Variants in MMP15 observed in about 807,000 individuals in gnomAD.
MMP15 encodes the protein matrix metallopeptidase 15.
A neutral mutation model predicts 65.0 loss-of-function variants in MMP15; 36 were observed. The observed-to-expected ratio is 0.55, with a 90% confidence interval of 0.42 to 0.73. MMP15 has a LOEUF of 0.73. Among genes scored for constraint, MMP15 ranks in the 30% least tolerant of loss-of-function variants. MMP15 has a pLI of 0.00. For missense variants in MMP15, 870 were observed against 987.8 expected, an observed-to-expected ratio of 0.88 and a Z score of 1.60; for synonymous variants, 428 against 410.2, an observed-to-expected ratio of 1.04 and a Z score of -0.52.
intron 1 of MMP15, among the ~76,000 whole-genome samples, chr16:58,027,249 G>A (rs1963835297): frequency 6.6e-6 from 1 of 152,234 alleles, no homozygotes; most frequent in Admixed American, 6.5e-5. Flanking sequence ...TTCGCTAGGA[G>A]CCCGCTTGGC....
intron 2 of MMP15, 42 bp from the exon 3 acceptor site, chr16:58,038,224 G>A: frequency 6.2e-7 from 1 of 1,605,880 alleles, no homozygotes; most frequent in Non-Finnish European, 8.5e-7. Context: ...CAGGTGTGTG[G>A]AGGGGAGGCT....
intron 9 of MMP15, among the ~76,000 whole-genome samples, chr16:58,044,401 C>T (rs974551851): frequency 6.6e-6 from 1 of 152,178 alleles, no homozygotes; most frequent in African/African-American, 2.4e-5. Flanking sequence ...GAGCTGTGAT[C>T]GCGCCACTAT....
rs762027403 is a variant in MMP15, at chr16:58,040,668, G to A, written c.880G>A (p.Asp294Asn). ...KDVDNFKLPE[D>N]DLRGIQQLYG... Reference sequence around the variant, plus strand: ...CGTTGACAACTTCAAGCTGCCCGAGGACGATCTCCGTGGCATCCAGCAGCT... The same window carrying A: ...CGTTGACAACTTCAAGCTGCCCGAGAACGATCTCCGTGGCATCCAGCAGCT... Residue 294 changes from aspartate to asparagine, a missense_variant, in exon 5 of 10, where the codon GAC becomes AAC. Transcript: ENST00000219271. The A allele has an allele frequency of 6.2e-7, 1 of 1,614,194 alleles. No homozygotes were observed. Among genetic ancestry groups the A allele is most frequent in the Non-Finnish European group, 8.5e-7 (1 of 1,180,050 alleles).
At chr16:58,032,917 G>A (rs1054098748) in intron 1 of MMP15, among the ~76,000 whole-genome samples, 3 of 152,266 alleles carry the variant, frequency 2.0e-5, no homozygotes, top group Admixed American at 2.0e-4. Context: ...GCAGAGCCCA[G>A]TGGAAAGTGT....
At chr16:58,027,882 A>T (rs777175800) in intron 1 of MMP15, among the ~76,000 whole-genome samples, 10 of 149,260 alleles carry the variant, frequency 6.7e-5, no homozygotes, top group South Asian at 2.1e-4. Flanking sequence ...CCATTCACAC[A>T]GGCAGGAGGA....
At chr16:58,034,766 A>G (rs1959296165) in intron 1 of MMP15, among the ~76,000 whole-genome samples, 1 of 152,098 alleles carries the variant, frequency 6.6e-6, no homozygotes, top group Non-Finnish European at 1.5e-5. Flanking sequence ...CTGGAACTCA[A>G]TACTGTTTCT....
At chr16:58,033,075 C>T (rs561289703) in intron 1 of MMP15, among the ~76,000 whole-genome samples, 7 of 152,312 alleles carry the variant, frequency 4.6e-5, no homozygotes, top group African/African-American at 9.6e-5. Context: ...ACTCCCCCAC[C>T]GTGGCGGCTG....
intron 6 of MMP15, among the ~76,000 whole-genome samples, 178 bp from the exon 7 acceptor site, chr16:58,042,053 C>T (rs1484277759): frequency 6.6e-6 from 1 of 152,234 alleles, no homozygotes; most frequent in Non-Finnish European, 1.5e-5. Flanking sequence ...GGTGCCAGCT[C>T]CCCAGCTCAG....
At chr16:58,041,056 C>T (rs1385476425) in intron 5 of MMP15, among the ~76,000 whole-genome samples, 1 of 152,198 alleles carries the variant, frequency 6.6e-6, no homozygotes, top group Non-Finnish European at 1.5e-5. Flanking sequence ...CAGCCTGAGC[C>T]TGTCACAGCT....
intron 3 of MMP15, among the ~76,000 whole-genome samples, chr16:58,038,714 A>G (rs1959386465): frequency 6.6e-6 from 1 of 152,186 alleles, no homozygotes; most frequent in Non-Finnish European, 1.5e-5. Flanking sequence ...GCATCCATCA[A>G]GTGAACAGGC....
In MMP15 at chr16:58,039,902, C is replaced by T. The variant is rs752341270; in HGVS notation, c.468C>T (p.Gly156=). ...TCCAGAACTACACGGAGAAGTTGGG[C>T]TGGTACCACTCGATGGAGGCGGTGC... is the stretch of plus-strand genomic sequence containing the variant. ...FSIQNYTEKL[G]WYHSMEAVRR... Residue 156 remains glycine (G), a synonymous_variant, in exon 4 of 10, where the codon GGC becomes GGT. Coordinates refer to ENST00000219271, the MANE Select transcript of MMP15 (RefSeq NM_002428.4). 1 of 1,607,606 alleles carries T rather than the reference C, an allele frequency of 6.2e-7. No individual in the cohort carries two copies. The highest frequency in any genetic ancestry group is 1.7e-5 in the Admixed American group (1 of 59,918).
intron 5 of MMP15, among the ~76,000 whole-genome samples, chr16:58,041,030 C>T (rs1487603430): frequency 6.6e-6 from 1 of 152,238 alleles, no homozygotes; most frequent in Non-Finnish European, 1.5e-5. Context: ...GACCCGCCCC[C>T]TTCCACCGTC....
At chr16:58,036,852 G>A (rs929880641) in intron 1 of MMP15, among the ~76,000 whole-genome samples, 4 of 152,254 alleles carry the variant, frequency 2.6e-5, no homozygotes, top group African/African-American at 9.6e-5. Flanking sequence ...GCAGTTGTCA[G>A]CTACTGTGGA....
At chr16:58,035,105 G>A (rs1003724866) in intron 1 of MMP15, among the ~76,000 whole-genome samples, 2 of 152,218 alleles carry the variant, frequency 1.3e-5, no homozygotes, top group African/African-American at 2.4e-5. Flanking sequence ...TCCCTTTGCC[G>A]TTAGAGCTGG....
chr16:58,041,647 A>G lies in MMP15; in HGVS notation c.941A>G (p.Gln314Arg). 4 of 1,581,488 alleles carry G rather than the reference A, an allele frequency of 2.5e-6. No individual in the cohort carries two copies. Among genetic ancestry groups the G allele is most frequent in the Non-Finnish European group, 3.4e-6 (4 of 1,164,162 alleles). ...CCAGACGGTCAGCCACAGCCTACCCAGCCTCTCCCCACTGTGACGCCACGG... is the reference window on the plus strand; with the variant it reads ...CCAGACGGTCAGCCACAGCCTACCCGGCCTCTCCCCACTGTGACGCCACGG... ...GTPDGQPQPT[Q>R]PLPTVTPRRP... Residue 314 changes from glutamine (Q) to arginine (R), a missense_variant, in exon 6 of 10, where the codon CAG (glutamine) becomes CGG (arginine). Coordinates refer to ENST00000219271, the MANE Select transcript of MMP15 (RefSeq NM_002428.4).
intron 4 of MMP15, 31 bp from the exon 5 acceptor site, chr16:58,040,506 G>T (rs191263866): frequency 8.1e-6 from 13 of 1,605,552 alleles, no homozygotes; most frequent in Non-Finnish European, 9.3e-6. Flanking sequence ...GGCCACAGCT[G>T]ACTGTGCTGC....
intron 1 of MMP15, among the ~76,000 whole-genome samples, chr16:58,027,025 C>T (rs1333153476): frequency 6.6e-6 from 1 of 152,228 alleles, no homozygotes; most frequent in Admixed American, 6.5e-5. Flanking sequence ...CCGCGCACGG[C>T]GGGCCAGGAT....
At chr16:58,037,707 GAA>G in intron 2 of MMP15, 87 bp downstream of exon 2, 1 of 1,568,108 alleles carries the variant, frequency 6.4e-7, no homozygotes, top group Non-Finnish European at 8.7e-7. Flanking sequence ...GGAGTTTCCA[GAA>G]AAGAGTGGCC....
rs371029500 is a variant in MMP15, at chr16:58,041,880, C to T, written c.1164+10C>T. ...GATGTTCGTGTTCAAGGTCTGGCCC[C>T]GCCTCCCATGCCTGGCCCTGAGCCT... On this transcript the variant is annotated intron_variant, in intron 6 of 9. Transcript: ENST00000219271. 17 of 1,570,124 alleles carry T rather than the reference C, an allele frequency of 1.1e-5. No homozygotes were observed. Among genetic ancestry groups the T allele is most frequent in the East Asian group, 4.5e-5 (2 of 44,540 alleles).
Sources: gnomAD v4.1 joint callset for allele counts (sites outside exome capture counted in the v4.1 genomes callset) on GRCh38, gnomAD v4.1.1 for gene constraint, MANE v1.5 for transcripts, NCBI Gene and HGNC (gene_info 2026-07-23, HGNC 2026-07-21) for gene names.